The following PIK3R1 variants were observed in gnomAD, a reference collection of about 807,000 sequenced individuals.
PIK3R1 encodes phosphatidylinositol 3-kinase regulatory subunit alpha.
A neutral mutation model predicts 98.0 loss-of-function variants in PIK3R1; 29 were observed. The observed-to-expected ratio is 0.30, with a 90% CI of 0.22 to 0.40. PIK3R1 has a LOEUF of 0.40. Ranked by LOEUF, PIK3R1 falls within the 10% of genes least tolerant of loss-of-function variation. The pLI is 1.00. For synonymous variants in PIK3R1, 282 were observed against 311.8 expected (o/e 0.90, Z 1.01); for missense variants, 596 against 872.7 (o/e 0.68, Z 3.99).
At chr5:68,249,054 A>G (rs1482393208) in intron 2 of PIK3R1, among the ~76,000 whole-genome samples, 4 of 152,202 alleles carry the variant, frequency 2.6e-5, no homozygotes, top group Non-Finnish European at 4.4e-5. Flanking sequence ...ATTACCAAGG[A>G]ATTTAAGACA....
Position 68,297,738 on chromosome 5 carries a change from T to TG in PIK3R1, c.*137_*138insG, listed in dbSNP as rs1338276690. ...CTTTCTTTGGATGGGACTAGAGCTT[T>TG]CTTTCACAAAAAAGAAGTAGGGGAA... On this transcript the variant is annotated 3_prime_UTR_variant, in exon 16 of 16. Transcript: ENST00000521381. 4 of 693,156 alleles carry TG rather than the reference T, an allele frequency of 5.8e-6. No individual in the cohort carries two copies. Among genetic ancestry groups the TG allele is most frequent in the Non-Finnish European group, 9.7e-6 (4 of 411,784 alleles). The allele number at this position is 693,156 out of a possible 1,614,324, so 42.9% of individuals were successfully genotyped here. A position where few individuals can be genotyped will look rare whatever the true frequency, so the allele number is the denominator to read the frequency against.
At chr5:68,233,494 G>A (rs1261037619) in intron 2 of PIK3R1, among the ~76,000 whole-genome samples, 1 of 152,168 alleles carries the variant, frequency 6.6e-6, no homozygotes, top group Non-Finnish European at 1.5e-5. Flanking sequence ...CTAGAAATGG[G>A]CTTTATTTCA....
chr5:68,292,653 C>A, intron 8 of PIK3R1: 1 of 1,342,192 alleles, frequency 7.5e-7, no homozygotes, highest in Non-Finnish European at 9.6e-7. Context: ...CTATTAAGCA[C>A]AACTCTAAGA....
chr5:68,255,425 T>C (rs971607732), intron 2 of PIK3R1, among the ~76,000 whole-genome samples: 4 of 151,944 alleles, frequency 2.6e-5, no homozygotes, highest in Non-Finnish European at 5.9e-5. Flanking sequence ...CCTCATCCTG[T>C]GCTTCAGCAG....
At chr5:68,231,348 C>T (rs534178217) in intron 2 of PIK3R1, among the ~76,000 whole-genome samples, 1 of 152,330 alleles carries the variant, frequency 6.6e-6, no homozygotes, top group South Asian at 2.1e-4. Context: ...CAGCCTCTGA[C>T]AGTGGATTTC....
Position 68,282,679 on chromosome 5 carries a change from C to G in PIK3R1, c.916+1673C>G, listed in dbSNP as rs530267532. ...TCTGCACTATTTTCATAATGCCACC[C>G]GGAAAGCTGTTTGATATGTCAAAGG... On this transcript the variant is annotated intron_variant, in intron 7 of 15. Coordinates refer to ENST00000521381, the MANE Select transcript of PIK3R1 (RefSeq NM_181523.3). Among the ~76,000 whole-genome samples, 4 of 152,278 alleles carry G rather than the reference C, an allele frequency of 2.6e-5. No homozygotes were observed. The East Asian group carries it at 7.7e-4, about 29-fold the overall frequency.
At chr5:68,235,606 C>T (rs906996080) in intron 2 of PIK3R1, among the ~76,000 whole-genome samples, 1 of 151,846 alleles carries the variant, frequency 6.6e-6, no homozygotes, top group African/African-American at 2.4e-5. Context: ...TCACCATGTT[C>T]TTTCAGGTAG....
intron 2 of PIK3R1, among the ~76,000 whole-genome samples, chr5:68,245,311 C>CT (rs879278386): frequency 5.1e-4 from 77 of 151,388 alleles, no homozygotes; most frequent in South Asian, 1.5e-3. Context: ...GACAAATATG[C>CT]TTTTTTTTTA....
chr5:68,240,983 G>A (rs1254096455), intron 2 of PIK3R1, among the ~76,000 whole-genome samples: 1 of 152,122 alleles, frequency 6.6e-6, no homozygotes, highest in East Asian at 1.9e-4. Context: ...TGATTCAGTG[G>A]ACTCCTAAGG....
At chr5:68,246,334 G>A (rs1421200931) in intron 2 of PIK3R1, among the ~76,000 whole-genome samples, 1 of 136,920 alleles carries the variant, frequency 7.3e-6, no homozygotes, top group Non-Finnish European at 1.5e-5. Context: ...TTTTTTTTGA[G>A]ACAGAGTTTT....
In PIK3R1 at chr5:68,280,976, A is replaced by G; in HGVS notation, c.886A>G (p.Thr296Ala). ...LIKVIEILISTEWNERQPAPA... is the reference protein window; with the variant it reads ...LIKVIEILISAEWNERQPAPA... ...AAAAGTTATAGAAATTTTAATCTCA[A>G]CTGAATGGAATGAACGACAGCCTGC... is the stretch of plus-strand genomic sequence containing the variant. The change falls in exon 7 of 16, where the codon ACT (threonine) becomes GCT (alanine). Residue 296 changes from threonine (T) to alanine (A), a missense_variant. Coordinates refer to ENST00000521381, the MANE Select transcript of PIK3R1 (RefSeq NM_181523.3). The G allele has an allele frequency of 5.0e-6, 8 of 1,606,264 alleles. No individual in the cohort carries two copies. Among genetic ancestry groups the G allele is most frequent in the Non-Finnish European group, 6.8e-6 (8 of 1,175,156 alleles).
chr5:68,294,674 CA>C lies in PIK3R1; in HGVS notation c.1567del (p.Arg523GlyfsTer9), dbSNP rs1258193000. The C allele has an allele frequency of 6.2e-7, 1 of 1,602,272 alleles. No individual in the cohort carries two copies. Among genetic ancestry groups the C allele is most frequent in the Non-Finnish European group, 8.5e-7 (1 of 1,175,900 alleles). On this transcript the variant is annotated frameshift_variant, in exon 12 of 16. Coordinates refer to ENST00000521381, the MANE Select transcript of PIK3R1 (RefSeq NM_181523.3). LOFTEE classifies it high-confidence loss of function. ...ACGTGAAGGCAATGAGAAAGAAATA[CA>C]AAGGTTGGTGTTTCCCTTGTTCTTG... Reference protein sequence around the residue: ...FKREGNEKEIQRIMHNYDKLK... With the variant: ...FKREGNEKEIXRIMHNYDKLK...
At chr5:68,263,461 A>T (rs1368458929) in intron 2 of PIK3R1, among the ~76,000 whole-genome samples, 1 of 151,852 alleles carries the variant, frequency 6.6e-6, no homozygotes, top group Non-Finnish European at 1.5e-5. Flanking sequence ...TAACCAGAAG[A>T]AGCCCATTAA....
rs1309133591 is a variant in PIK3R1, at chr5:68,298,754, G to GAT, written c.*1158_*1159dup. The GAT allele has an allele frequency of 4.3e-6, 1 of 233,254 alleles. No homozygotes were observed. The highest frequency in any genetic ancestry group is 8.5e-6 in the Non-Finnish European group (1 of 117,906). 14.4% of individuals were successfully genotyped at this position (233,254 alleles called of 1,614,324 possible). The stretch of plus-strand genomic sequence containing the variant: ...TTCAATAAAAAAAAGAAATGAAAAA[G>GAT]ATATATGAATATGACAAAGTATTGC... On this transcript the variant is annotated 3_prime_UTR_variant, in exon 16 of 16. Coordinates refer to ENST00000521381, the MANE Select transcript of PIK3R1 (RefSeq NM_181523.3).
rs2112291600 is a variant in PIK3R1, at chr5:68,297,489, A to G, written c.2063A>G (p.Tyr688Cys). ...GGCTTTGCCGAGCCCTATAACTTGT[A>G]CAGCTCTCTGAAAGAACTGGTGCTA... is the stretch of plus-strand genomic sequence containing the variant. ...GYGFAEPYNL[Y>C]SSLKELVLHY... The change falls in exon 16 of 16, where the codon TAC becomes TGC. Residue 688 changes from tyrosine (Y) to cysteine (C), a missense_variant. Physicochemically the swap from Tyr to Cys is radical, Grantham distance 194 (BLOSUM62 -2). This residue lies in a region of PIK3R1 where 207 missense variants were observed against 361.4 expected (regional missense o/e 0.57). Transcript: ENST00000521381. 1 of 1,614,180 alleles carries G rather than the reference A, an allele frequency of 6.2e-7. No individual in the cohort carries two copies. Among genetic ancestry groups the G allele is most frequent in the Non-Finnish European group, 8.5e-7 (1 of 1,179,984 alleles).
intron 14 of PIK3R1, 37 bp from the exon 15 acceptor site, chr5:68,296,134 A>C (rs200378855): frequency 6.2e-6 from 10 of 1,606,960 alleles, no homozygotes; most frequent in African/African-American, 1.3e-5. Flanking sequence ...TGGCTCCTGC[A>C]CTCTTCATTT....
At chr5:68,280,499 T>C (rs2112193951) in intron 5 of PIK3R1, 29 bp from the exon 6 acceptor site, 1 of 1,470,874 alleles carries the variant, frequency 6.8e-7, no homozygotes, top group East Asian at 2.3e-5. Context: ...CTTACTCATT[T>C]CTCTTTTTTT....
intron 1 of PIK3R1, among the ~76,000 whole-genome samples, chr5:68,225,040 C>G (rs1333026053): frequency 3.3e-5 from 5 of 152,214 alleles, no homozygotes; most frequent in Non-Finnish European, 1.5e-5. Flanking sequence ...CGTGATGATT[C>G]CATCATGGGC....
chr5:68,272,979 T>C (rs575541740), intron 2 of PIK3R1, among the ~76,000 whole-genome samples: 18 of 152,298 alleles, frequency 1.2e-4, no homozygotes, highest in Middle Eastern at 6.8e-3. Flanking sequence ...TGAATTCAGG[T>C]TCTTGGGCTC....
Sources: gnomAD v4.1 joint callset for allele counts (sites outside exome capture counted in the v4.1 genomes callset) on GRCh38, gnomAD v4.1.1 for gene constraint, gnomAD v4.1.1 regional missense constraint, MANE v1.5 for transcripts, NCBI Gene and HGNC (gene_info 2026-07-23, HGNC 2026-07-21) for gene names.